KDM2B: variants seen among roughly 807,000 people sequenced by gnomAD.
KDM2B encodes lysine-specific demethylase 2B.
Under a neutral mutation model 150.0 loss-of-function variants are expected in KDM2B, and 26 were observed. The ratio of observed to expected loss-of-function variants is 0.17; its 90% CI spans 0.13 to 0.24. The LOEUF is 0.24. KDM2B is among the 10% of genes least tolerant of loss of function. The pLI is 1.00. For synonymous variants in KDM2B, 734 were observed against 729.5 expected (o/e 1.01, Z -0.10); for missense variants, 1,265 against 1,816.9 (o/e 0.70, Z 5.52).
chr12:121,443,722 G>A lies in KDM2B; in HGVS notation c.2523C>T (p.Leu841=). ...TGAGACTGGATCTCCACCAGGGGCT[G>A]AGGCTGCTGCCTAGAGGGGGCCTCG... ...LSPRPPLGSS[L]SPWWRSSLTY... Residue 841 remains leucine, a synonymous_variant, in exon 17 of 23, where the codon CTC becomes CTT. Coordinates refer to ENST00000377071, the MANE Select transcript of KDM2B (RefSeq NM_032590.5). The A allele has an allele frequency of 6.2e-7, 1 of 1,612,014 alleles. No homozygotes were observed. Among genetic ancestry groups the A allele is most frequent in the Non-Finnish European group, 8.5e-7 (1 of 1,179,818 alleles).
chr12:121,493,498 G>A lies in KDM2B; in HGVS notation c.1734+1081C>T, dbSNP rs114748547. ...CAGACGGATGGTACAGAGATGACCT[G>A]ATACATATGTATCCCACCTAGGACC... On this transcript the variant is annotated intron_variant, in intron 12 of 22. Transcript: ENST00000377071. 6.9e-3 allele frequency among the ~76,000 whole-genome samples: 1,051 copies of A among 152,274 alleles called. 10 individuals carry two copies. Among genetic ancestry groups the A allele is most frequent in the African/African-American group, 0.024 (1,017 of 41,560 alleles).
chr12:121,508,951 A>G (rs1852957794), intron 11 of KDM2B, among the ~76,000 whole-genome samples: 1 of 152,204 alleles, frequency 6.6e-6, no homozygotes, highest in African/African-American at 2.4e-5. Flanking sequence ...GGCCAGTGAC[A>G]GCAACTGCTG....
intron 4 of KDM2B, among the ~76,000 whole-genome samples, chr12:121,551,598 G>A (rs1555311810): frequency 2.0e-5 from 3 of 152,192 alleles, no homozygotes; most frequent in South Asian, 2.1e-4. Context: ...TGTCGCCCAG[G>A]TTGGAGTATA....
rs1555316567 is a variant in KDM2B at position 121,574,568 on chromosome 12, G to A, written c.376C>T (p.Arg126Ter). Residue 126 changes from arginine (R) to a stop codon, truncating the protein, a stop_gained, in exon 4 of 23, where the codon CGA (arginine) becomes TGA (stop). Coordinates refer to ENST00000377071, the MANE Select transcript of KDM2B (RefSeq NM_032590.5). LOFTEE classifies it high-confidence loss of function. ...TTACCCACTAGGAGTTTGACGTCTC[G>A]GACTGTGAAATCAGGGTCAGGCATC... ...IKMPDPDFTV[R>*]DVKLLVGSRR... is the part of the protein sequence containing the mutation. 1 of 1,613,916 alleles carries A rather than the reference G, an allele frequency of 6.2e-7. No individual in the cohort carries two copies. The highest frequency in any genetic ancestry group is 8.5e-7 in the Non-Finnish European group (1 of 1,179,906).
At chr12:121,565,982 C>T (rs1159668493) in intron 4 of KDM2B, among the ~76,000 whole-genome samples, 3 of 150,934 alleles carry the variant, frequency 2.0e-5, no homozygotes, top group Non-Finnish European at 4.4e-5. Flanking sequence ...ACTGGACATC[C>T]ATATGGGAAA....
In KDM2B at chr12:121,441,747, G is replaced by A. The variant is rs1875106905; in HGVS notation, c.3284+410C>T. Among the ~76,000 whole-genome samples the A allele has an allele frequency of 1.3e-5, 2 of 152,176 alleles. 1 individual carries two copies. The highest frequency in any genetic ancestry group is 4.1e-4 in the South Asian group (2 of 4,828). On this transcript the variant is annotated intron_variant, in intron 19 of 22. Transcript: ENST00000377071. ...GGCCTCCATCAAGTATTTACCATGG[G>A]CTTTACAACGCCCTCTACCGGCCGT...
chr12:121,567,191 A>AAT (rs201623590), intron 4 of KDM2B, among the ~76,000 whole-genome samples: 3,174 of 152,080 alleles, frequency 0.021, 118 homozygotes, highest in African/African-American at 0.072. Flanking sequence ...CCCACCTGGG[A>AAT]ATATATATAT....
intron 4 of KDM2B, among the ~76,000 whole-genome samples, chr12:121,562,861 A>G (rs1555314062): frequency 6.6e-6 from 1 of 152,144 alleles, no homozygotes; most frequent in Non-Finnish European, 1.5e-5. Context: ...TACTGAGGAG[A>G]ACAAAGTGAA....
At chr12:121,517,905 G>A (rs114663616) in intron 9 of KDM2B, among the ~76,000 whole-genome samples, 3 of 149,904 alleles carry the variant, frequency 2.0e-5, no homozygotes, top group Non-Finnish European at 3.0e-5. Flanking sequence ...CTTTTTTTGA[G>A]GGGGGGGATG....
chr12:121,412,531 C>T, the KDM2B span, among the ~76,000 whole-genome samples: 9 of 151,918 alleles, frequency 5.9e-5, no homozygotes, highest in Admixed American at 2.0e-4. Flanking sequence ...GGGTGAGCCA[C>T]CACGCCTGGC....
chr12:121,481,227 A>G (rs1302988588), intron 12 of KDM2B, among the ~76,000 whole-genome samples: 1 of 152,076 alleles, frequency 6.6e-6, no homozygotes, highest in East Asian at 1.9e-4. Flanking sequence ...GGCCCAGCCG[A>G]TGAGAGTATT....
At chr12:121,543,880 G>A (rs1555310139) in intron 6 of KDM2B, among the ~76,000 whole-genome samples, 1 of 151,898 alleles carries the variant, frequency 6.6e-6, no homozygotes, top group African/African-American at 2.4e-5. Flanking sequence ...CCAGCACTTT[G>A]GGAGGCCAAG....
At chr12:121,571,775 C>T (rs990257059) in intron 4 of KDM2B, among the ~76,000 whole-genome samples, 6 of 151,446 alleles carry the variant, frequency 4.0e-5, no homozygotes, top group South Asian at 2.1e-4. Flanking sequence ...CTCAGCCTCC[C>T]GAGTAGCTGG....
chr12:121,546,559 GGTTT>G (rs1168638702), intron 6 of KDM2B, among the ~76,000 whole-genome samples: 1 of 147,426 alleles, frequency 6.8e-6, no homozygotes, highest in African/African-American at 2.6e-5. Flanking sequence ...ATTTTTTTTT[GGTTT>G]TTTTTTTTTG....
chr12:121,463,411 G>C (rs782448241), intron 12 of KDM2B, among the ~76,000 whole-genome samples: 5 of 151,974 alleles, frequency 3.3e-5, no homozygotes, highest in Non-Finnish European at 5.9e-5. Context: ...CATGCCACAT[G>C]TATACCTATA....
At chr12:121,553,759 C>T (rs1471390501) in intron 4 of KDM2B, among the ~76,000 whole-genome samples, 1 of 152,120 alleles carries the variant, frequency 6.6e-6, no homozygotes, top group Non-Finnish European at 1.5e-5. Context: ...TCGTTGCTGG[C>T]CAGTCCCAGT....
rs111843838 is a variant in KDM2B at position 121,499,948 on chromosome 12, CA to C, written c.1648-5284del. Among the ~76,000 whole-genome samples, 47 of 148,838 alleles carry C rather than the reference CA, an allele frequency of 3.2e-4. No homozygotes were observed. In the South Asian group the frequency reaches 3.6e-3, roughly 11 times the overall value. ...TGGGTGACAGAATGGGACTCTAACT[CA>C]AAAAAAAATAATTATTTAATAATAA... On this transcript the variant is annotated intron_variant, in intron 11 of 22. Transcript: ENST00000377071.
intron 4 of KDM2B, among the ~76,000 whole-genome samples, chr12:121,556,977 G>C (rs1555312846): frequency 1.3e-5 from 2 of 151,908 alleles, no homozygotes; most frequent in African/African-American, 4.8e-5. Context: ...CTAAGATTAT[G>C]ACCCAGATCG....
chr12:121,532,486 C>T (rs552390329), intron 8 of KDM2B, among the ~76,000 whole-genome samples: 52 of 152,236 alleles, frequency 3.4e-4, no homozygotes, highest in Non-Finnish European at 5.1e-4. Flanking sequence ...CTTCCCCAGA[C>T]CCTGCCTCAG....
Sources: gnomAD v4.1 joint callset for allele counts (sites outside exome capture counted in the v4.1 genomes callset) on GRCh38, gnomAD v4.1.1 for gene constraint, MANE v1.5 for transcripts, NCBI Gene and HGNC (gene_info 2026-07-23, HGNC 2026-07-21) for gene names.